The following PSD3 variants were observed in gnomAD, a reference collection of about 807,000 sequenced individuals.
PSD3 encodes the protein PH and SEC7 domain-containing protein 3.
PSD3 carries 49 observed loss-of-function variants against 105.5 expected under a neutral mutation model. The ratio of observed to expected loss-of-function variants is 0.46; its 90% CI spans 0.37 to 0.59. The LOEUF (loss-of-function observed/expected upper bound fraction) is 0.59, where lower values mean the gene tolerates loss of function less well. PSD3 is among the 20% of genes least tolerant of loss of function. PSD3 has a pLI of 0.00. For missense variants in PSD3, 1,561 were observed against 1,263.8 expected (o/e 1.24, Z -3.57); for synonymous variants, 557 against 457.8 (o/e 1.22, Z -2.77).
intron 4 of PSD3, among the ~76,000 whole-genome samples, chr8:18,812,590 A>C (rs889597853): frequency 4.6e-5 from 7 of 152,122 alleles, no homozygotes; most frequent in African/African-American, 1.7e-4. Flanking sequence ...GGCTGAGAGA[A>C]TAGTAGTTAA....
chr8:18,651,203 A>C (rs1294133100), intron 10 of PSD3, among the ~76,000 whole-genome samples: 1 of 152,250 alleles, frequency 6.6e-6, no homozygotes, highest in Non-Finnish European at 1.5e-5. Flanking sequence ...TCACACTCCC[A>C]GGTAAGGCCC....
chr8:18,619,761 C>T (rs58324520), intron 11 of PSD3, among the ~76,000 whole-genome samples: 1 of 152,132 alleles, frequency 6.6e-6, no homozygotes, highest in East Asian at 1.9e-4. Flanking sequence ...TGGCTTACTC[C>T]CCAACCTGAC....
chr8:18,555,227 G>A (rs561140010), intron 15 of PSD3, among the ~76,000 whole-genome samples: 1 of 152,210 alleles, frequency 6.6e-6, no homozygotes, highest in South Asian at 2.1e-4. Flanking sequence ...TAGTTATAAA[G>A]CAATACAAGG....
At chr8:18,610,137 G>A (rs768385116) in intron 11 of PSD3, among the ~76,000 whole-genome samples, 27 of 152,090 alleles carry the variant, frequency 1.8e-4, no homozygotes, top group Admixed American at 5.2e-4. Context: ...AGGATGCTTT[G>A]TCAACTCTAT....
At chr8:18,756,116 G>T (rs1364631039) in intron 9 of PSD3, among the ~76,000 whole-genome samples, 1 of 152,108 alleles carries the variant, frequency 6.6e-6, no homozygotes, top group Non-Finnish European at 1.5e-5. Flanking sequence ...CACAGGACAG[G>T]CATCCAAGCC....
At chr8:18,776,347 TA>T (rs1433583640) in intron 8 of PSD3, among the ~76,000 whole-genome samples, 4 of 146,990 alleles carry the variant, frequency 2.7e-5, no homozygotes, top group Admixed American at 6.8e-5. Flanking sequence ...ATATATAGTA[TA>T]AAAATATATA....
chr8:18,729,674 A>G (rs1021417716), intron 9 of PSD3, among the ~76,000 whole-genome samples: 5 of 152,180 alleles, frequency 3.3e-5, no homozygotes, highest in Non-Finnish European at 7.3e-5. Context: ...CTCATGTATT[A>G]CCTTCAAAAA....
chr8:18,987,523 G>A (rs145078146), intron 1 of PSD3, among the ~76,000 whole-genome samples: 1 of 151,838 alleles, frequency 6.6e-6, no homozygotes, highest in African/African-American at 2.4e-5. Flanking sequence ...TCCTGACCTC[G>A]TGATCCACCC....
intron 4 of PSD3, among the ~76,000 whole-genome samples, chr8:18,810,095 A>G (rs764689): frequency 2.4e-4 from 37 of 152,146 alleles, no homozygotes; most frequent in African/African-American, 8.9e-4. Context: ...CTGTGCTCCC[A>G]TGCCTTTTAC....
At chr8:18,640,635 A>T (rs1807578534) in intron 10 of PSD3, among the ~76,000 whole-genome samples, 1 of 152,134 alleles carries the variant, frequency 6.6e-6, no homozygotes. Flanking sequence ...ACCTCTGCGG[A>T]ACTGTGAGTC....
chr8:18,827,427 G>C (rs1189392203), intron 4 of PSD3, among the ~76,000 whole-genome samples: 1 of 152,218 alleles, frequency 6.6e-6, no homozygotes, highest in Non-Finnish European at 1.5e-5. Context: ...GCGAAGATGG[G>C]GCAGTCAGAG....
intron 9 of PSD3, among the ~76,000 whole-genome samples, chr8:18,719,684 T>C (rs1260456903): frequency 1.3e-5 from 2 of 152,222 alleles, no homozygotes; most frequent in East Asian, 1.9e-4. Context: ...GATAGTATGA[T>C]CTATTCATGG....
At chr8:18,879,411 G>C (rs1019331464) in intron 2 of PSD3, among the ~76,000 whole-genome samples, 3 of 152,144 alleles carry the variant, frequency 2.0e-5, no homozygotes, top group African/African-American at 4.8e-5. Flanking sequence ...GAACAGACGG[G>C]GGGAGACAAA....
At chr8:18,653,369 CA>C (rs113328647) in intron 10 of PSD3, among the ~76,000 whole-genome samples, 1,418 of 138,940 alleles carry the variant, frequency 0.01, 11 homozygotes, top group African/African-American at 0.027. Context: ...GAAAAAAAGA[CA>C]AAAAAAAAAA....
chr8:18,745,253 C>A (rs893021256), intron 9 of PSD3, among the ~76,000 whole-genome samples: 2 of 152,306 alleles, frequency 1.3e-5, no homozygotes, highest in Admixed American at 1.3e-4. Flanking sequence ...AATTTAGTAT[C>A]CTTCAATGGC....
At chr8:18,824,085 A>C (rs1467921277) in intron 4 of PSD3, among the ~76,000 whole-genome samples, 1 of 152,172 alleles carries the variant, frequency 6.6e-6, no homozygotes, top group Admixed American at 6.5e-5. Context: ...AGGCGGGAAG[A>C]GCACGTGAGC....
intron 4 of PSD3, among the ~76,000 whole-genome samples, chr8:18,859,156 T>C (rs539520365): frequency 1.3e-5 from 2 of 151,936 alleles, no homozygotes; most frequent in South Asian, 4.2e-4. Flanking sequence ...TTCTTGTACA[T>C]CTCCATCAGA....
At chr8:18,835,669 C>T (rs564774935) in intron 4 of PSD3, among the ~76,000 whole-genome samples, 26 of 152,238 alleles carry the variant, frequency 1.7e-4, no homozygotes, top group African/African-American at 6.0e-4. Flanking sequence ...AGGTAAGTGC[C>T]CAACAGAAGA....
chr8:19,027,367 G>A (rs1011645490), intron 1 of PSD3, among the ~76,000 whole-genome samples: 1 of 152,188 alleles, frequency 6.6e-6, no homozygotes, highest in Non-Finnish European at 1.5e-5. Context: ...GAACCCAGCT[G>A]TTTGGTTTTT....
Sources: allele counts gnomAD v4.1 joint callset (sites outside exome capture counted in the v4.1 genomes callset), GRCh38; gene constraint gnomAD v4.1.1; transcripts MANE v1.5; gene names NCBI Gene and HGNC (gene_info 2026-07-23, HGNC 2026-07-21).